Variants in KMT2C observed in about 807,000 individuals in gnomAD.
KMT2C encodes histone-lysine N-methyltransferase 2C.
Under a neutral mutation model 507.9 loss-of-function variants are expected in KMT2C, and 88 were observed. The ratio of observed to expected loss-of-function variants is 0.17; its 90% CI spans 0.15 to 0.21. The LOEUF (loss-of-function observed/expected upper bound fraction) is 0.21, where lower values mean the gene tolerates loss of function less well. Among genes scored for constraint, KMT2C ranks in the 10% least tolerant of loss-of-function variants. The pLI is 1.00. For missense variants in KMT2C, 4,954 were observed against 5,957.8 expected (o/e 0.83, Z 5.55); for synonymous variants, 2,049 against 2,080.8 (o/e 0.98, Z 0.42).
intron 2 of KMT2C, among the ~76,000 whole-genome samples, chr7:152,333,879 TTAAG>T (rs1428573038): frequency 2.0e-5 from 3 of 152,122 alleles, no homozygotes; most frequent in Non-Finnish European, 4.4e-5. Flanking sequence ...TGACCTTAAA[TTAAG>T]TGTTTATACA....
chr7:152,259,408 TA>T lies in KMT2C; in HGVS notation c.1299+3607del, dbSNP rs554666815. Among the ~76,000 whole-genome samples, 189 of 144,532 alleles carry T rather than the reference TA, an allele frequency of 1.3e-3. 1 individual carries two copies. The highest frequency in any genetic ancestry group is 2.1e-3 in the Non-Finnish European group (139 of 66,078). 94.8% of individuals were successfully genotyped at this position (144,532 alleles called of 152,430 possible). ...AATTAACCCTCAAATAGTAGGGGGT[TA>T]GGGGGAATAGAGACAAAAACACAGA... is the stretch of plus-strand genomic sequence containing the variant. On this transcript the variant is annotated intron_variant, in intron 9 of 58. Coordinates refer to ENST00000262189, the MANE Select transcript of KMT2C (RefSeq NM_170606.3).
chr7:152,368,012 G>C lies in KMT2C; in HGVS notation c.162-9337C>G, dbSNP rs1367330062. On this transcript the variant is annotated intron_variant, in intron 1 of 58. Transcript: ENST00000262189. Reference sequence around the variant, plus strand: ...AAGAAATCCAAGAACATAAAATTAAGATATATGATTTTCCAGAAATAGATG... The same window carrying C: ...AAGAAATCCAAGAACATAAAATTAACATATATGATTTTCCAGAAATAGATG... The C allele has an allele frequency of 3.5e-6, 3 of 848,448 alleles. No individual in the cohort carries two copies. The Admixed American group carries it at 6.1e-5, about 17-fold the overall frequency. 52.6% of individuals were successfully genotyped at this position (848,448 alleles called of 1,614,324 possible).
intron 2 of KMT2C, among the ~76,000 whole-genome samples, chr7:152,358,105 C>T (rs540906673): frequency 6.6e-6 from 1 of 152,172 alleles, no homozygotes; most frequent in Admixed American, 6.5e-5. Flanking sequence ...TGCAGATGCA[C>T]AACATACAGC....
intron 20 of KMT2C, 69 bp from the exon 21 acceptor site, chr7:152,222,751 C>G: frequency 1.2e-6 from 1 of 839,846 alleles, no homozygotes; most frequent in Non-Finnish European, 2.0e-6. Flanking sequence ...CCTTTTAAAA[C>G]CTGTAACACT....
chr7:152,203,381 C>T (rs936678531), intron 25 of KMT2C, among the ~76,000 whole-genome samples: 14 of 151,784 alleles, frequency 9.2e-5, no homozygotes, highest in Middle Eastern at 3.4e-3. Flanking sequence ...ATGAGTATGA[C>T]GAAATGGCAA....
intron 14 of KMT2C, among the ~76,000 whole-genome samples, chr7:152,241,823 T>A (rs1003413653): frequency 6.6e-6 from 1 of 152,220 alleles, no homozygotes; most frequent in African/African-American, 2.4e-5. Context: ...TACTCTAAGA[T>A]AAAAATAATG....
intron 1 of KMT2C, among the ~76,000 whole-genome samples, chr7:152,400,316 TA>T (rs1564121086): frequency 6.6e-6 from 1 of 150,610 alleles, no homozygotes; most frequent in African/African-American, 2.4e-5. Context: ...CTCAAAAAAA[TA>T]AAAAAAAGAA....
intron 3 of KMT2C, among the ~76,000 whole-genome samples, chr7:152,316,672 C>T (rs1262814746): frequency 6.6e-6 from 1 of 152,018 alleles, no homozygotes; most frequent in South Asian, 2.1e-4. Context: ...TTTGAGGTGA[C>T]TTTTTAAAAC....
chr7:152,427,900 T>G lies in KMT2C; in HGVS notation c.161+7726A>C, dbSNP rs1006459203. Among the ~76,000 whole-genome samples the G allele has an allele frequency of 2.4e-4, 36 of 152,212 alleles. 1 individual carries two copies. The highest frequency in any genetic ancestry group is 4.1e-4 in the South Asian group (2 of 4,830). Reference sequence around the variant, plus strand: ...TGCCGAATTCCTCCTTTGCAGTGACTGGAATCTTCCTCCCCATTCGCACTA... The same window carrying G: ...TGCCGAATTCCTCCTTTGCAGTGACGGGAATCTTCCTCCCCATTCGCACTA... On this transcript the variant is annotated intron_variant, in intron 1 of 58. Transcript: ENST00000262189.
chr7:152,276,012 C>A (rs1376851273), intron 6 of KMT2C, among the ~76,000 whole-genome samples: 1 of 152,118 alleles, frequency 6.6e-6, no homozygotes, highest in Non-Finnish European at 1.5e-5. Flanking sequence ...CCAATATGTT[C>A]TCTTAATCAT....
intron 2 of KMT2C, among the ~76,000 whole-genome samples, chr7:152,351,884 T>C (rs903053348): frequency 3.9e-5 from 6 of 152,158 alleles, no homozygotes; most frequent in African/African-American, 1.2e-4. Context: ...GATGATTGCA[T>C]TAACTGCACA....
intron 1 of KMT2C, chr7:152,367,231 G>A: frequency 1.0e-5 from 15 of 1,467,354 alleles, no homozygotes; most frequent in Non-Finnish European, 1.4e-5. Context: ...GTGTTTTGAT[G>A]TTGACAGCAC....
chr7:152,396,568 G>A (rs2097539378), intron 1 of KMT2C, among the ~76,000 whole-genome samples: 3 of 152,124 alleles, frequency 2.0e-5, no homozygotes, highest in Non-Finnish European at 1.5e-5. Context: ...ATTAGTAACT[G>A]GAAAAAACTA....
At chr7:152,407,995 T>C (rs1441502343) in intron 1 of KMT2C, among the ~76,000 whole-genome samples, 1 of 152,294 alleles carries the variant, frequency 6.6e-6, no homozygotes, top group Non-Finnish European at 1.5e-5. Context: ...ACTTTTGTAA[T>C]AGTGGCCAAG....
Position 152,156,048 on chromosome 7 carries a change from G to C in KMT2C, c.11822C>G (p.Thr3941Ser). Reference protein sequence around the residue: ...GVLVSHEVTKTLGPKPFQLPF... With the variant: ...GVLVSHEVTKSLGPKPFQLPF... ...CAGCTGAAATGGTTTAGGTCCTAGA[G>C]TTTTGGTAACTGGAAAAGCAAAAAC... is the stretch of plus-strand genomic sequence containing the variant. Residue 3941 changes from threonine to serine, a missense_variant, in exon 46 of 59, where the codon ACT (threonine) becomes AGT (serine). Physicochemically the swap from Thr to Ser is moderately conservative, Grantham distance 58 (BLOSUM62 1). Coordinates refer to ENST00000262189, the MANE Select transcript of KMT2C (RefSeq NM_170606.3). 1 of 1,598,480 alleles carries C rather than the reference G, an allele frequency of 6.3e-7. No individual in the cohort carries two copies. Among genetic ancestry groups the C allele is most frequent in the Non-Finnish European group, 8.5e-7 (1 of 1,174,796 alleles).
At chr7:152,242,670 T>C (rs10268076) in intron 14 of KMT2C, among the ~76,000 whole-genome samples, 6,512 of 152,266 alleles carry the variant, frequency 0.043, 488 homozygotes, top group African/African-American at 0.15. Context: ...ATACAAGGAC[T>C]GTGGGATGGG....
Position 152,180,042 on chromosome 7 carries a change from G to T in KMT2C, c.7234C>A (p.Pro2412Thr), listed in dbSNP as rs13231116. ...GRQEKGSQDS[P>T]AVPHPGPLQH... ...AGAGGCCCTGGATGAGGCACTGCGG[G>T]TGAGTCCTGTGACCCCTTCTCCTGT... The change falls in exon 37 of 59, where the codon CCC (proline) becomes ACC (threonine). Residue 2412 changes from proline to threonine, a missense_variant. Coordinates refer to ENST00000262189, the MANE Select transcript of KMT2C (RefSeq NM_170606.3). 0.025 allele frequency: 39,681 copies of T among 1,614,120 alleles called. 609 individuals carry two copies. The highest frequency in any genetic ancestry group is 0.03 in the Middle Eastern group (182 of 6,060).
At chr7:152,224,677 T>C (rs1257552640) in intron 18 of KMT2C, 61 bp from the exon 19 acceptor site, 21 of 853,820 alleles carry the variant, frequency 2.5e-5, no homozygotes, top group East Asian at 1.3e-4. Context: ...TCAAATATAC[T>C]ATATAAATTA....
chr7:152,143,284 GA>G (rs772433337), intron 55 of KMT2C, among the ~76,000 whole-genome samples: 1 of 152,218 alleles, frequency 6.6e-6, no homozygotes, highest in Non-Finnish European at 1.5e-5. Context: ...ACAAGATCAA[GA>G]GCAGAAAGGG....
Sources: gnomAD v4.1 joint callset for allele counts (sites outside exome capture counted in the v4.1 genomes callset) on GRCh38, gnomAD v4.1.1 for gene constraint, MANE v1.5 for transcripts, NCBI Gene and HGNC (gene_info 2026-07-23, HGNC 2026-07-21) for gene names.